DPY19L3: variants seen among roughly 807,000 people sequenced by gnomAD.
The protein encoded by DPY19L3 is dpy-19 like C-mannosyltransferase 3.
DPY19L3 carries 51 observed loss-of-function variants against 92.3 expected under a neutral mutation model. The observed-to-expected ratio is 0.55, with a 90% CI of 0.44 to 0.70. The LOEUF (loss-of-function observed/expected upper bound fraction) is 0.70. Among genes scored for constraint, DPY19L3 ranks in the 30% least tolerant of loss-of-function variants. DPY19L3 has a pLI of 0.00. For missense variants in DPY19L3, 706 were observed against 855.9 expected, an observed-to-expected ratio of 0.82 and a Z score of 2.18; for synonymous variants, 309 against 315.2, an observed-to-expected ratio of 0.98 and a Z score of 0.21.
intron 17 of DPY19L3, 34 bp from the exon 18 acceptor site, chr19:32,480,365 A>T (rs1424113568): frequency 6.3e-7 from 1 of 1,591,004 alleles, no homozygotes; most frequent in Non-Finnish European, 8.6e-7. Flanking sequence ...GTCAAGTAGC[A>T]TTTGCCACAT....
chr19:32,439,544 A>G (rs1023825739), intron 7 of DPY19L3, among the ~76,000 whole-genome samples: 1 of 152,214 alleles, frequency 6.6e-6, no homozygotes, highest in African/African-American at 2.4e-5. Flanking sequence ...GATTTGGTGC[A>G]TTATCGCCTC....
intron 1 of DPY19L3, among the ~76,000 whole-genome samples, 193 bp from the exon 2 acceptor site, chr19:32,408,024 A>C (rs1268915878): frequency 6.6e-6 from 1 of 152,042 alleles, no homozygotes; most frequent in African/African-American, 2.4e-5. Flanking sequence ...AGTAGAGGCT[A>C]CAGTGAGCCG....
At chr19:32,468,645 G>A (rs79236931) in intron 15 of DPY19L3, 86 bp from the exon 16 acceptor site, 70,429 of 1,555,790 alleles carry the variant, frequency 0.045, 1,777 homozygotes, top group South Asian at 0.065. Context: ...ATTATATGCA[G>A]TTTATCTTTT....
intron 8 of DPY19L3, among the ~76,000 whole-genome samples, chr19:32,448,612 C>T (rs898291568): frequency 2.0e-5 from 3 of 152,110 alleles, no homozygotes; most frequent in African/African-American, 7.2e-5. Context: ...AGAAAATATA[C>T]TTACTGTTTA....
rs369111861 is a variant in DPY19L3 at position 32,439,848 on chromosome 19, A to G, written c.793A>G (p.Met265Val). Residue 265 changes from methionine (M) to valine (V), a missense_variant, in exon 8 of 19, where the codon ATG becomes GTG. Physicochemically the swap from Met to Val is conservative, Grantham distance 21 (BLOSUM62 1). Transcript: ENST00000392250. ...SLTWQFNQFM[M>V]LMQALVLFTL... ...GACATGGCAATTTAATCAATTTATG[A>G]TGCTGATGCAAGCATTAGTGCTGTT... The G allele has an allele frequency of 5.5e-5, 89 of 1,613,808 alleles. No homozygotes were observed. Among genetic ancestry groups the G allele is most frequent in the Non-Finnish European group, 6.6e-5 (78 of 1,179,858 alleles).
At chr19:32,445,883 C>T (rs1412020505) in intron 8 of DPY19L3, among the ~76,000 whole-genome samples, 3 of 152,054 alleles carry the variant, frequency 2.0e-5, no homozygotes, top group Admixed American at 2.0e-4. Context: ...TGCCTGTAAT[C>T]CCAGCTACTC....
intron 3 of DPY19L3, among the ~76,000 whole-genome samples, chr19:32,431,118 G>A (rs1968951856): frequency 1.3e-5 from 2 of 152,122 alleles, no homozygotes; most frequent in African/African-American, 4.8e-5. Context: ...AGTGGCTCAC[G>A]CCTGTAATCC....
At position 32,485,135 on chromosome 19, in the gene DPY19L3, T is replaced by A. The variant is rs1970765523; in HGVS notation, c.*2895T>A. ...ATATCAGAAGATCGGCAAACGAATG[T>A]ATATTACACAGTTTAGGTTATGATT... is the stretch of plus-strand genomic sequence containing the variant. On this transcript the variant is annotated 3_prime_UTR_variant, in exon 19 of 19. Coordinates refer to ENST00000392250, the MANE Select transcript of DPY19L3 (RefSeq NM_001172774.2). 1 of 152,226 alleles carries A rather than the reference T, an allele frequency of 6.6e-6. No homozygotes were observed. The highest frequency in any genetic ancestry group is 2.4e-5 in the African/African-American group (1 of 41,458). The allele number at this position is 152,226 out of a possible 1,614,324, so 9.4% of individuals were successfully genotyped here.
intron 3 of DPY19L3, among the ~76,000 whole-genome samples, chr19:32,421,917 A>G (rs766754431): frequency 1.3e-5 from 2 of 152,182 alleles, no homozygotes; most frequent in African/African-American, 2.4e-5. Context: ...GGCAACCTGC[A>G]TTTCGAAGAT....
intron 3 of DPY19L3, among the ~76,000 whole-genome samples, chr19:32,425,380 G>C (rs1968723176): frequency 6.6e-6 from 1 of 151,938 alleles, no homozygotes; most frequent in South Asian, 2.1e-4. Context: ...GTAAAACCCT[G>C]TATCTATTAA....
At chr19:32,451,234 G>A (rs1969689463) in intron 8 of DPY19L3, among the ~76,000 whole-genome samples, 1 of 152,214 alleles carries the variant, frequency 6.6e-6, no homozygotes, top group South Asian at 2.1e-4. Flanking sequence ...TCACTGATGT[G>A]AGAAAGTGAT....
rs1346053752 is a variant in DPY19L3, at chr19:32,484,003, A to G, written c.*1763A>G. 6.6e-6 allele frequency: 1 copy of G among 152,592 alleles called. No individual in the cohort carries two copies. The highest frequency in any genetic ancestry group is 1.5e-5 in the Non-Finnish European group (1 of 68,026). 9.5% of individuals were successfully genotyped at this position (152,592 alleles called of 1,614,324 possible). On this transcript the variant is annotated 3_prime_UTR_variant, in exon 19 of 19. Coordinates refer to ENST00000392250, the MANE Select transcript of DPY19L3 (RefSeq NM_001172774.2). ...AATCCTCTGTTATGGCTATATTTAA[A>G]TTTATTTTAAATATTCCTGTATGTA...
intron 8 of DPY19L3, among the ~76,000 whole-genome samples, chr19:32,440,446 C>T (rs1000987986): frequency 8.6e-5 from 13 of 152,036 alleles, no homozygotes; most frequent in Non-Finnish European, 1.6e-4. Context: ...TTATGTATTG[C>T]GTACAGTTTT....
intron 15 of DPY19L3, chr19:32,467,455 C>T: frequency 1.0e-6 from 1 of 987,384 alleles, no homozygotes; most frequent in South Asian, 4.7e-5. Context: ...ATTTTTACTA[C>T]ATCTCTTCCA....
intron 12 of DPY19L3, among the ~76,000 whole-genome samples, chr19:32,461,302 C>T (rs527574342): frequency 6.6e-6 from 1 of 152,342 alleles, no homozygotes; most frequent in African/African-American, 2.4e-5. Flanking sequence ...GATACTATGA[C>T]TTTTATGTAG....
intron 8 of DPY19L3, among the ~76,000 whole-genome samples, chr19:32,451,415 T>C (rs967902138): frequency 6.6e-6 from 1 of 152,208 alleles, no homozygotes; most frequent in Non-Finnish European, 1.5e-5. Context: ...TAGAGTAAGA[T>C]ACATTATCTT....
chr19:32,447,143 G>T lies in DPY19L3; in HGVS notation c.856-6002G>T, dbSNP rs540636490. ...AATAACCACTTTAAAAATATATAAA[G>T]ATATACACTAAAAAAGAGTCTAAGA... On this transcript the variant is annotated intron_variant, in intron 8 of 18. Coordinates refer to ENST00000392250, the MANE Select transcript of DPY19L3 (RefSeq NM_001172774.2). Among the ~76,000 whole-genome samples, 12 of 152,132 alleles carry T rather than the reference G, an allele frequency of 7.9e-5. No homozygotes were observed. The South Asian group carries it at 1.5e-3, about 18-fold the overall frequency.
chr19:32,429,663 A>G (rs1276054080), intron 3 of DPY19L3, among the ~76,000 whole-genome samples: 1 of 152,166 alleles, frequency 6.6e-6, no homozygotes, highest in African/African-American at 2.4e-5. Flanking sequence ...TCACTCTTTC[A>G]TTCTTTATTG....
In DPY19L3 at chr19:32,446,685, T is replaced by TG. The variant is rs1321132020; in HGVS notation, c.856-6459dup. On this transcript the variant is annotated intron_variant, in intron 8 of 18. Transcript: ENST00000392250. The stretch of plus-strand genomic sequence containing the variant: ...AAGAAATAGCAATCCTAAGTGTACC[T>TG]GCACCAAACAACAGTACTGCAACGT... Among the ~76,000 whole-genome samples, 3 of 152,194 alleles carry TG rather than the reference T, an allele frequency of 2.0e-5. No individual in the cohort carries two copies. The East Asian group carries it at 5.8e-4, about 29-fold the overall frequency.
Sources: allele counts gnomAD v4.1 joint callset (sites outside exome capture counted in the v4.1 genomes callset), GRCh38; gene constraint gnomAD v4.1.1; transcripts MANE v1.5; gene names NCBI Gene and HGNC (gene_info 2026-07-23, HGNC 2026-07-21).